Variants in ADGRL1 observed in about 807,000 individuals in gnomAD.
The protein encoded by ADGRL1 is CIRL-1.
ADGRL1 carries 31 observed loss-of-function variants against 148.9 expected under a neutral mutation model. That is an observed-to-expected ratio of 0.21 (90% CI 0.16 to 0.28). ADGRL1 has a LOEUF of 0.28. Ranked by LOEUF, ADGRL1 falls within the 10% of genes least tolerant of loss-of-function variation. ADGRL1 has a pLI of 1.00. For missense variants in ADGRL1, 1,521 were observed against 2,058.8 expected (o/e 0.74, Z 5.05); for synonymous variants, 937 against 900.3 (o/e 1.04, Z -0.73).
intron 4 of ADGRL1, chr19:14,166,971 A>G (rs1307569257): frequency 2.5e-6 from 4 of 1,604,338 alleles, no homozygotes; most frequent in Non-Finnish European, 2.6e-6. Context: ...GTACAGGTAG[A>G]ACAAAGTGTG....
intron 1 of ADGRL1, among the ~76,000 whole-genome samples, chr19:14,187,788 A>G (rs536642283): frequency 1.3e-4 from 20 of 151,760 alleles, no homozygotes; most frequent in African/African-American, 4.6e-4. Flanking sequence ...CCTTATTTCA[A>G]CTTCCTCATT....
intron 18 of ADGRL1, among the ~76,000 whole-genome samples, chr19:14,153,720 G>T (rs1379188940): frequency 6.6e-6 from 1 of 151,248 alleles, no homozygotes; most frequent in Non-Finnish European, 1.5e-5. Flanking sequence ...GAAGGCAGAG[G>T]TGGGTGGATC....
chr19:14,160,787 T>C lies in ADGRL1; in HGVS notation c.1511-91A>G. 1 of 762,048 alleles carries C rather than the reference T, an allele frequency of 1.3e-6. No homozygotes were observed. Among genetic ancestry groups the C allele is most frequent in the Non-Finnish European group, 2.3e-6 (1 of 427,658 alleles). 47.2% of individuals were successfully genotyped at this position (762,048 alleles called of 1,614,324 possible). A position where few individuals can be genotyped will look rare whatever the true frequency, so the allele number is the denominator to read the frequency against. On this transcript the variant is annotated intron_variant, in intron 6 of 22. Coordinates refer to ENST00000361434, the MANE Select transcript of ADGRL1 (RefSeq NM_014921.5). The surrounding 1 kb of genome is among the most constrained non-coding windows in gnomAD (Gnocchi z 5.9). ...GAGGGGGAAAGGAGATGACAGAGAG[T>C]GGGGGACGAGCGGGCGAAGAGGGAG...
At chr19:14,166,976 AGT>A (rs1206625853) in intron 4 of ADGRL1, 1 of 1,606,790 alleles carries the variant, frequency 6.2e-7, no homozygotes. Context: ...GGTAGAACAA[AGT>A]GTGAGTTAGG....
chr19:14,181,246 G>C (rs1971170135), intron 2 of ADGRL1, among the ~76,000 whole-genome samples: 1 of 152,220 alleles, frequency 6.6e-6, no homozygotes, highest in East Asian at 1.9e-4. Flanking sequence ...ACATGGGAAT[G>C]AACTCATGTT....
chr19:14,177,275 G>A (rs1273383866), intron 3 of ADGRL1, among the ~76,000 whole-genome samples: 1 of 152,114 alleles, frequency 6.6e-6, no homozygotes, highest in Admixed American at 6.6e-5. Flanking sequence ...TGGAAGTTAT[G>A]GAAGCAAGAG....
Position 14,159,531 on chromosome 19 carries a change from C to T in ADGRL1, c.1893G>A (p.Trp631Ter). Residue 631 changes from tryptophan (W) to a stop codon, truncating the protein, a stop_gained, in exon 10 of 23, where the codon TGG becomes TGA. Transcript: ENST00000361434. LOFTEE classifies it high-confidence loss of function. The surrounding 1 kb of genome is among the most constrained non-coding windows in gnomAD (Gnocchi z 6.0). ...NLLRPEALESWKDMNATEQVH... is the reference protein window; with the variant it reads ...NLLRPEALES ...CCTGCTCCGTGGCATTCATGTCCTT[C>T]CAGGACTCCAGAGCTTCTGGCCGGA... is the stretch of plus-strand genomic sequence containing the variant. 6.2e-7 allele frequency: 1 copy of T among 1,610,432 alleles called. No homozygotes were observed. Among genetic ancestry groups the T allele is most frequent in the Non-Finnish European group, 8.5e-7 (1 of 1,177,474 alleles).
intron 1 of ADGRL1, among the ~76,000 whole-genome samples, chr19:14,183,944 C>T (rs915567137): frequency 1.3e-5 from 2 of 152,204 alleles, no homozygotes; most frequent in African/African-American, 4.8e-5. Flanking sequence ...ACTGGAACCT[C>T]CTGGGACAGC....
At position 14,162,579 on chromosome 19, in the gene ADGRL1, C is replaced by G. The variant is rs992508244; in HGVS notation, c.1195+27G>C. 4 of 1,574,988 alleles carry G rather than the reference C, an allele frequency of 2.5e-6. No homozygotes were observed. The African/African-American group carries it at 4.0e-5, about 16-fold the overall frequency. ...TGGAGGGGACAAAGGCAAGCAGGCT[C>G]CATGCCTGGAAGTGAGTCGTCCTCA... On this transcript the variant is annotated intron_variant, in intron 5 of 22. Transcript: ENST00000361434. The surrounding 1 kb of genome is among the most constrained non-coding windows in gnomAD (Gnocchi z 5.4).
At chr19:14,195,289 G>A (rs1166133034) in intron 1 of ADGRL1, among the ~76,000 whole-genome samples, 1 of 152,166 alleles carries the variant, frequency 6.6e-6, no homozygotes, top group African/African-American at 2.4e-5. Flanking sequence ...GGGTCGGTGC[G>A]GCAGGGTGGG....
chr19:14,157,792 C>T lies in ADGRL1; in HGVS notation c.2535+90G>A, dbSNP rs983077159. 11 of 1,486,412 alleles carry T rather than the reference C, an allele frequency of 7.4e-6. No homozygotes were observed. The highest frequency in any genetic ancestry group is 6.2e-5 in the Admixed American group (3 of 48,580). 92.1% of individuals were successfully genotyped at this position (1,486,412 alleles called of 1,614,324 possible). On this transcript the variant is annotated intron_variant, in intron 13 of 22. Transcript: ENST00000361434. This position sits in a 1 kb window ranked among gnomAD's most constrained non-coding sequence, Gnocchi z 7.5. ...CCCACACCCATGGGGCTAGCCTCCC[C>T]TGGTACTGCCCGTGATCTCTCTAGG...
chr19:14,191,698 T>C (rs1009259111), intron 1 of ADGRL1, among the ~76,000 whole-genome samples: 44 of 111,114 alleles, frequency 4.0e-4, no homozygotes, highest in Non-Finnish European at 6.9e-4. Flanking sequence ...GTCTCTCTCT[T>C]TTTTTTTTTT....
chr19:14,152,338 G>A lies in ADGRL1; in HGVS notation c.3620C>T (p.Pro1207Leu). 6.3e-7 allele frequency: 1 copy of A among 1,597,970 alleles called. No individual in the cohort carries two copies. Among genetic ancestry groups the A allele is most frequent in the Middle Eastern group, 1.7e-4 (1 of 5,972 alleles). The change falls in exon 21 of 23, where the codon CCC (proline) becomes CTC (leucine). Residue 1207 changes from proline to leucine, a missense_variant. This residue lies in a region of ADGRL1 where 390 missense variants were observed against 375.0 expected (regional missense o/e 1.04). Coordinates refer to ENST00000361434, the MANE Select transcript of ADGRL1 (RefSeq NM_014921.5). The surrounding 1 kb of genome is among the most constrained non-coding windows in gnomAD (Gnocchi z 6.1). ...TLIAESVGFN[P>L]SSPPVFNSPG... ...GGAGTTGAAGACAGGGGGCGAGGAG[G>A]GATTGAAGCCCACTGACTCGGCGAT...
Position 14,159,631 on chromosome 19 carries a change from A to G in ADGRL1, c.1840-47T>C. Reference sequence around the variant, plus strand: ...TGCTGTGAGCCCCCCAACACCCTCTAATTCCTGGGGGTGGGCTCTGCATGC... The same window carrying G: ...TGCTGTGAGCCCCCCAACACCCTCTGATTCCTGGGGGTGGGCTCTGCATGC... On this transcript the variant is annotated intron_variant, in intron 9 of 22. Coordinates refer to ENST00000361434, the MANE Select transcript of ADGRL1 (RefSeq NM_014921.5). The surrounding 1 kb of genome is among the most constrained non-coding windows in gnomAD (Gnocchi z 6.0). The G allele has an allele frequency of 6.3e-7, 1 of 1,591,510 alleles. No homozygotes were observed. The highest frequency in any genetic ancestry group is 1.1e-5 in the South Asian group (1 of 90,196).
intron 4 of ADGRL1, 88 bp from the exon 5 acceptor site, chr19:14,163,494 G>GAC (rs1568588984): frequency 2.0e-6 from 2 of 985,432 alleles, no homozygotes; most frequent in Non-Finnish European, 2.9e-6. Context: ...GAGAGAGAGA[G>GAC]AGAGGGGGGA....
Position 14,151,389 on chromosome 19 carries a change from A to G in ADGRL1, c.3894T>C (p.Pro1298=), listed in dbSNP as rs1264057267. 1 of 1,605,974 alleles carries G rather than the reference A, an allele frequency of 6.2e-7. No individual in the cohort carries two copies. Among genetic ancestry groups the G allele is most frequent in the Non-Finnish European group, 8.5e-7 (1 of 1,177,064 alleles). The part of the protein sequence containing the change: ...LRGSSSAAKG[P]PPPEPPVPPV... ...GTGGCACAGGGGGCTCAGGCGGTGG[A>G]GGGCCCTTGGCCGCGCTGCTGCTCC... Residue 1298 remains proline, a synonymous_variant, in exon 23 of 23, where the codon CCT becomes CCC. Coordinates refer to ENST00000361434, the MANE Select transcript of ADGRL1 (RefSeq NM_014921.5).
rs1305298988 is a variant in ADGRL1, at chr19:14,206,073, C to T, written c.-184G>A. On this transcript the variant is annotated 5_prime_UTR_variant, in exon 1 of 23. Coordinates refer to ENST00000361434, the MANE Select transcript of ADGRL1 (RefSeq NM_014921.5). ...CCCCGCCCGGCACATCTCCCGGAGC[C>T]GGGGCTGGGGGGAAGCGGGTAGGAG... 1 of 151,514 alleles carries T rather than the reference C, an allele frequency of 6.6e-6. No individual in the cohort carries two copies. The highest frequency in any genetic ancestry group is 2.4e-5 in the African/African-American group (1 of 41,258). The allele number at this position is 151,514 out of a possible 1,614,324, so 9.4% of individuals were successfully genotyped here.
At chr19:14,190,974 G>C in intron 1 of ADGRL1, 2 of 407,452 alleles carry the variant, frequency 4.9e-6, no homozygotes, top group Admixed American at 5.2e-5. Context: ...TGTAATCTCA[G>C]CTACTCGGGA....
intron 11 of ADGRL1, 87 bp from the exon 12 acceptor site, chr19:14,158,639 T>A (rs1034777551): frequency 3.5e-6 from 4 of 1,133,142 alleles, no homozygotes; most frequent in Non-Finnish European, 5.2e-6. Context: ...CTCAGCCAGC[T>A]CCTCAGCCCT....
Sources: allele counts gnomAD v4.1 joint callset (sites outside exome capture counted in the v4.1 genomes callset), GRCh38; gene constraint gnomAD v4.1.1; regional missense constraint gnomAD v4.1.1; non-coding constraint Gnocchi (gnomAD v3.1); transcripts MANE v1.5; gene names NCBI Gene and HGNC (gene_info 2026-07-23, HGNC 2026-07-21).